RAD50: variants seen among roughly 807,000 people sequenced by gnomAD.
RAD50 encodes DNA repair protein RAD50.
In RAD50, 132 loss-of-function variants were observed where a neutral mutation model predicts 168.8. The ratio of observed to expected loss-of-function variants is 0.78; its 90% CI spans 0.68 to 0.90. The LOEUF (loss-of-function observed/expected upper bound fraction) is 0.90, where lower values mean the gene tolerates loss of function less well. RAD50 is among the 40% of genes least tolerant of loss of function. RAD50 has a pLI of 0.00. For missense variants in RAD50, 1,347 were observed against 1,534.4 expected, an observed-to-expected ratio of 0.88 and a Z score of 2.04; for synonymous variants, 525 against 497.4, an observed-to-expected ratio of 1.06 and a Z score of -0.74.
rs767816754 is a variant in RAD50, at chr5:132,589,686, A to T, written c.1301A>T (p.Asp434Val). The T allele has an allele frequency of 6.2e-7, 1 of 1,611,770 alleles. No individual in the cohort carries two copies. Among genetic ancestry groups the T allele is most frequent in the Non-Finnish European group, 8.5e-7 (1 of 1,178,754 alleles). ...LKQKQIDEIR[D>V]KKTGLGRIIE... is the part of the protein sequence containing the mutation. The stretch of plus-strand genomic sequence containing the variant: ...CAAAAACAGATAGATGAGATAAGAG[A>T]TAAGAAAACTGGACTGGGAAGAATA... Residue 434 changes from aspartate (D) to valine (V), a missense_variant, in exon 9 of 25, where the codon GAT becomes GTT. Asp to Val is a radical substitution (Grantham distance 152). Coordinates refer to ENST00000378823, the MANE Select transcript of RAD50 (RefSeq NM_005732.4).
rs1060504404 is a variant in RAD50 at position 132,642,199 on chromosome 5, G to A, written c.3774G>A (p.Gln1258=). ...GCAGGATAATAAAAAGTCGCTCACA[G>A]CAGCGTAACTTCCAGCTTCTGGTAA... is the stretch of plus-strand genomic sequence containing the variant. ...ALVEIIKSRS[Q]QRNFQLLVIT... is the part of the protein sequence containing the mutation. Residue 1258 remains glutamine (Q), a synonymous_variant, in exon 25 of 25, where the codon CAG becomes CAA. Transcript: ENST00000378823. The A allele has an allele frequency of 6.8e-6, 11 of 1,614,144 alleles. No homozygotes were observed. The highest frequency in any genetic ancestry group is 9.3e-6 in the Non-Finnish European group (11 of 1,179,958).
intron 21 of RAD50, among the ~76,000 whole-genome samples, chr5:132,634,097 A>G (rs1030177204): frequency 6.6e-6 from 1 of 152,050 alleles, no homozygotes; most frequent in Non-Finnish European, 1.5e-5. Context: ...GGATTCTGTT[A>G]AGCATTTTTT....
At chr5:132,588,136 A>G (rs769897158) in intron 7 of RAD50, 47 bp downstream of exon 7, 27 of 1,558,696 alleles carry the variant, frequency 1.7e-5, no homozygotes, top group Non-Finnish European at 2.3e-5. Flanking sequence ...ATGATGTTAT[A>G]CATTTTCTGT....
chr5:132,567,649 G>C (rs1468231964), intron 2 of RAD50, among the ~76,000 whole-genome samples: 1 of 152,156 alleles, frequency 6.6e-6, no homozygotes, highest in Non-Finnish European at 1.5e-5. Flanking sequence ...AGGGCTAGTA[G>C]AGAACAACTA....
chr5:132,588,219 C>T lies in RAD50; in HGVS notation c.1051+130C>T, dbSNP rs1750631848. The stretch of plus-strand genomic sequence containing the variant: ...TAAAAGGCTATACACAGTATGTTTC[C>T]ATTTATATAACATTTTTATAATGTC... On this transcript the variant is annotated intron_variant, in intron 7 of 24. Coordinates refer to ENST00000378823, the MANE Select transcript of RAD50 (RefSeq NM_005732.4). 3 of 1,074,170 alleles carry T rather than the reference C, an allele frequency of 2.8e-6. 1 individual carries two copies. Among genetic ancestry groups the T allele is most frequent in the Non-Finnish European group, 4.0e-6 (3 of 745,718 alleles). The allele number at this position is 1,074,170 out of a possible 1,614,324, so 66.5% of individuals were successfully genotyped here.
chr5:132,580,490 T>C lies in RAD50; in HGVS notation c.756+424T>C, dbSNP rs372401124. Among the ~76,000 whole-genome samples, 91 of 152,290 alleles carry C rather than the reference T, an allele frequency of 6.0e-4. 1 individual carries two copies. The South Asian group carries it at 0.019, about 31-fold the overall frequency. ...AATTAGTAGTATAGATCACTAGGTG[T>C]TAAATAGCAATATCATTACCCAACC... is the stretch of plus-strand genomic sequence containing the variant. On this transcript the variant is annotated intron_variant, in intron 5 of 24. Transcript: ENST00000378823.
At chr5:132,568,232 G>A (rs910241371) in intron 2 of RAD50, among the ~76,000 whole-genome samples, 11 of 151,868 alleles carry the variant, frequency 7.2e-5, no homozygotes, top group South Asian at 6.2e-4. Context: ...GACCATGCCC[G>A]GCTGATTTTT....
intron 19 of RAD50, among the ~76,000 whole-genome samples, chr5:132,612,460 TA>T (rs767970489): frequency 6.6e-6 from 1 of 152,240 alleles, no homozygotes; most frequent in Non-Finnish European, 1.5e-5. Flanking sequence ...GTAAAACTGC[TA>T]AATTGTACAC....
chr5:132,586,155 T>G (rs1750591444), intron 5 of RAD50, among the ~76,000 whole-genome samples: 1 of 150,702 alleles, frequency 6.6e-6, no homozygotes, highest in African/African-American at 2.5e-5. Context: ...TTTCAGAATC[T>G]TAATATGATA....
At position 132,638,212 on chromosome 5, in the gene RAD50, G is replaced by A. The variant is rs1404032688; in HGVS notation, c.3607G>A (p.Ala1203Thr). The A allele has an allele frequency of 1.2e-6, 2 of 1,614,212 alleles. No homozygotes were observed. Among genetic ancestry groups the A allele is most frequent in the Admixed American group, 3.3e-5 (2 of 60,030 alleles). The change falls in exon 23 of 25, where the codon GCT (alanine) becomes ACT (threonine). Residue 1203 changes from alanine to threonine, a missense_variant. Ala to Thr is a moderately conservative substitution (Grantham distance 58). Coordinates refer to ENST00000378823, the MANE Select transcript of RAD50 (RefSeq NM_005732.4). Reference sequence around the variant, plus strand: ...CTTGGATATGCGAGGACGATGCAGTGCTGGACAAAAGGCAGGTATCTCAAA... The same window carrying A: ...CTTGGATATGCGAGGACGATGCAGTACTGGACAAAAGGCAGGTATCTCAAA... ...TALDMRGRCS[A>T]GQKVLASLII...
At chr5:132,562,259 A>G (rs927625702) in intron 2 of RAD50, among the ~76,000 whole-genome samples, 20 of 152,332 alleles carry the variant, frequency 1.3e-4, no homozygotes, top group Admixed American at 1.1e-3. Flanking sequence ...GGGAAAGGAC[A>G]TGGTCTGATT....
At chr5:132,621,222 C>T (rs1385672551) in intron 21 of RAD50, among the ~76,000 whole-genome samples, 1 of 152,132 alleles carries the variant, frequency 6.6e-6, no homozygotes, top group African/African-American at 2.4e-5. Flanking sequence ...TACCCCAGAC[C>T]TCGATCAAAA....
intron 17 of RAD50, 117 bp from the exon 18 acceptor site, chr5:132,609,000 G>A (rs1751035034): frequency 1.4e-6 from 2 of 1,423,918 alleles, no homozygotes; most frequent in South Asian, 2.7e-5. Flanking sequence ...ATAAAATTCA[G>A]TAGTGGTGGA....
At chr5:132,617,731 T>C (rs905541337) in intron 20 of RAD50, among the ~76,000 whole-genome samples, 34 of 152,310 alleles carry the variant, frequency 2.2e-4, no homozygotes, top group African/African-American at 6.3e-4. Context: ...GCATTCTCAG[T>C]TCACAATCAG....
chr5:132,585,364 A>G (rs1750578135), intron 5 of RAD50, among the ~76,000 whole-genome samples: 1 of 152,056 alleles, frequency 6.6e-6, no homozygotes. Context: ...TTTAGCCATA[A>G]CAGTAGGGGT....
intron 5 of RAD50, 75 bp downstream of exon 5, chr5:132,580,141 A>G (rs1240955060): frequency 2.3e-6 from 3 of 1,291,664 alleles, no homozygotes; most frequent in African/African-American, 2.9e-5. Context: ...TGATATAAGT[A>G]TACATCGTGG....
At chr5:132,587,312 C>G (rs1297709466) in intron 5 of RAD50, among the ~76,000 whole-genome samples, 1 of 152,110 alleles carries the variant, frequency 6.6e-6, no homozygotes, top group Non-Finnish European at 1.5e-5. Flanking sequence ...GTGTTGAGGA[C>G]AGGACATGGT....
intron 2 of RAD50, among the ~76,000 whole-genome samples, chr5:132,571,837 A>G (rs1167726599): frequency 6.6e-6 from 1 of 152,264 alleles, no homozygotes; most frequent in Non-Finnish European, 1.5e-5. Context: ...TATTCTTGCC[A>G]AAGATACATA....
intron 13 of RAD50, among the ~76,000 whole-genome samples, chr5:132,599,717 C>T (rs58816057): frequency 0.014 from 2,179 of 152,040 alleles, 63 homozygotes; most frequent in African/African-American, 0.05. Flanking sequence ...GCCACCATGC[C>T]CAACCAAGAG....
Sources: gnomAD v4.1 joint callset for allele counts (sites outside exome capture counted in the v4.1 genomes callset) on GRCh38, gnomAD v4.1.1 for gene constraint, MANE v1.5 for transcripts, NCBI Gene and HGNC (gene_info 2026-07-23, HGNC 2026-07-21) for gene names.